SOX6: variants seen among roughly 807,000 people sequenced by gnomAD.
The protein encoded by SOX6 is SRY-box transcription factor 6, also known as transcription factor SOX-6.
SOX6 carries 11 observed loss-of-function variants against 97.8 expected under a neutral mutation model. The ratio of observed to expected loss-of-function variants is 0.11; its 90% CI spans 0.07 to 0.19. SOX6 has a LOEUF of 0.19. SOX6 is among the 10% of genes least tolerant of loss of function. The pLI is 1.00. For synonymous variants in SOX6, 360 were observed against 371.4 expected (o/e 0.97, Z 0.35); for missense variants, 810 against 1,039.5 (o/e 0.78, Z 3.04).
intron 1 of SOX6, among the ~76,000 whole-genome samples, chr11:16,362,637 G>C (rs10832597): frequency 6.6e-6 from 1 of 152,080 alleles, no homozygotes; most frequent in Non-Finnish European, 1.5e-5. Flanking sequence ...AAAAAAAAGT[G>C]GGGGAGCTAG....
intron 8 of SOX6, among the ~76,000 whole-genome samples, chr11:16,097,040 T>G (rs1848814421): frequency 6.6e-6 from 1 of 151,788 alleles, no homozygotes; most frequent in Admixed American, 6.6e-5. Context: ...TCCAAAACAC[T>G]TTCCCCCCAA....
chr11:16,162,397 T>C (rs148667737), intron 6 of SOX6, among the ~76,000 whole-genome samples: 246 of 152,324 alleles, frequency 1.6e-3, no homozygotes, highest in African/African-American at 5.5e-3. Flanking sequence ...CCAAATCTCA[T>C]GTTGAATTAT....
chr11:16,552,916 A>C (rs1847705883), intron 4 of SOX6, among the ~76,000 whole-genome samples: 1 of 152,198 alleles, frequency 6.6e-6, no homozygotes, highest in Admixed American at 6.5e-5. Flanking sequence ...GGCATTGTAT[A>C]ATACCTATCT....
intron 6 of SOX6, 85 bp from the exon 7 acceptor site, chr11:16,112,008 G>A (rs1849243119): frequency 1.3e-6 from 2 of 1,563,346 alleles, no homozygotes; most frequent in Non-Finnish European, 8.7e-7. Flanking sequence ...GTGGTGTGCT[G>A]GTACCCACAC....
At chr11:16,220,539 T>C (rs1435209625) in intron 4 of SOX6, among the ~76,000 whole-genome samples, 1 of 152,040 alleles carries the variant, frequency 6.6e-6, no homozygotes, top group Non-Finnish European at 1.5e-5. Flanking sequence ...ATTATACCAA[T>C]TTCTGGGGCT....
At chr11:16,132,469 A>C (rs1319115278) in intron 6 of SOX6, among the ~76,000 whole-genome samples, 5 of 143,710 alleles carry the variant, frequency 3.5e-5, no homozygotes, top group African/African-American at 1.3e-4. Flanking sequence ...AGAAAGAAAG[A>C]AAGAAAGAAA....
At chr11:16,482,699 T>C (rs1860363856) in intron 4 of SOX6, among the ~76,000 whole-genome samples, 1 of 152,208 alleles carries the variant, frequency 6.6e-6, no homozygotes, top group African/African-American at 2.4e-5. Flanking sequence ...AAGTAGTTAG[T>C]TCAACTCAAT....
intron 13 of SOX6, among the ~76,000 whole-genome samples, chr11:15,998,939 A>G (rs2119877381): frequency 6.6e-6 from 1 of 152,264 alleles, no homozygotes; most frequent in Admixed American, 6.5e-5. Context: ...TATAAAAATT[A>G]AAACTCTGCT....
intron 2 of SOX6, among the ~76,000 whole-genome samples, chr11:16,324,287 T>C (rs186322521): frequency 1.3e-5 from 2 of 152,170 alleles, no homozygotes; most frequent in Non-Finnish European, 2.9e-5. Context: ...AGAACTGAGA[T>C]ATTAAAACAT....
chr11:16,447,453 C>CTCTCTCTCTT (rs5789955), intron 1 of SOX6, among the ~76,000 whole-genome samples: 11 of 150,894 alleles, frequency 7.3e-5, no homozygotes, highest in Non-Finnish European at 1.5e-4. Flanking sequence ...TTCTCTCTCT[C>CTCTCTCTCTT]TCTTTCTTTC....
chr11:15,993,908 AATTCC>A (rs1424206463), intron 13 of SOX6, among the ~76,000 whole-genome samples: 2 of 152,186 alleles, frequency 1.3e-5, no homozygotes, highest in Non-Finnish European at 2.9e-5. Context: ...TTCGTGGTTA[AATTCC>A]AAGGGATATC....
chr11:16,260,759 A>G (rs1229588780), intron 3 of SOX6, among the ~76,000 whole-genome samples: 1 of 152,180 alleles, frequency 6.6e-6, no homozygotes, highest in Non-Finnish European at 1.5e-5. Flanking sequence ...TTAATTTCCA[A>G]TCATCCAAAC....
intron 4 of SOX6, among the ~76,000 whole-genome samples, chr11:16,601,541 T>C (rs942270582): frequency 3.3e-5 from 5 of 152,120 alleles, no homozygotes; most frequent in African/African-American, 1.2e-4. Flanking sequence ...ATTCTCTCAC[T>C]AACAAGAGAA....
chr11:16,381,957 A>G (rs980176255), intron 1 of SOX6, among the ~76,000 whole-genome samples: 4 of 151,938 alleles, frequency 2.6e-5, no homozygotes, highest in Non-Finnish European at 5.9e-5. Context: ...ACACACACAT[A>G]CAATAGATGT....
At chr11:16,066,604 A>G (rs1246569464) in intron 9 of SOX6, among the ~76,000 whole-genome samples, 2 of 152,208 alleles carry the variant, frequency 1.3e-5, no homozygotes, top group East Asian at 1.9e-4. Flanking sequence ...CAACAACATG[A>G]TGGAACTGGA....
At chr11:16,150,210 T>C (rs1192514609) in intron 6 of SOX6, among the ~76,000 whole-genome samples, 2 of 152,150 alleles carry the variant, frequency 1.3e-5, no homozygotes, top group Non-Finnish European at 2.9e-5. Flanking sequence ...ATTAATTACA[T>C]AGGTAAAAAA....
chr11:16,273,107 T>C (rs188872004), intron 3 of SOX6, among the ~76,000 whole-genome samples: 206 of 150,970 alleles, frequency 1.4e-3, no homozygotes, highest in Non-Finnish European at 7.4e-4. Flanking sequence ...GTCAATTACT[T>C]ATTAAAATAC....
At chr11:16,457,714 TTC>T (rs969289334) in intron 1 of SOX6, among the ~76,000 whole-genome samples, 3 of 152,074 alleles carry the variant, frequency 2.0e-5, no homozygotes, top group Admixed American at 2.0e-4. Context: ...TTATTTAGAA[TTC>T]TTTTTTGCTT....
chr11:16,402,735 A>C (rs557486289), intron 1 of SOX6: 1 of 1,610,200 alleles, frequency 6.2e-7, no homozygotes, highest in East Asian at 2.2e-5. Context: ...CCATCACCTG[A>C]CTTAGGGGCT....
Sources: gnomAD v4.1 joint callset for allele counts (sites outside exome capture counted in the v4.1 genomes callset) on GRCh38, gnomAD v4.1.1 for gene constraint, MANE v1.5 for transcripts, NCBI Gene and HGNC (gene_info 2026-07-23, HGNC 2026-07-21) for gene names.